Variants in DNA2 observed in about 807,000 individuals in gnomAD.
DNA2 encodes DNA replication ATP-dependent helicase/nuclease DNA2.
DNA2 carries 101 observed loss-of-function variants against 119.1 expected under a neutral mutation model. The observed-to-expected ratio is 0.85, with a 90% CI of 0.72 to 1.00. DNA2 has a LOEUF of 1.00. DNA2 is among the 50% of genes least tolerant of loss of function. The pLI, the probability that DNA2 is intolerant of heterozygous loss-of-function variation, is 0.00. For synonymous variants in DNA2, 366 were observed against 424.4 expected, an observed-to-expected ratio of 0.86 and a Z score of 1.69; for missense variants, 1,121 against 1,255.5, an observed-to-expected ratio of 0.89 and a Z score of 1.62.
At chr10:68,417,222 A>G (rs2051600620) in intron 19 of DNA2, among the ~76,000 whole-genome samples, 2 of 149,744 alleles carry the variant, frequency 1.3e-5, no homozygotes, top group Non-Finnish European at 3.0e-5. Flanking sequence ...ATGCCTCCAC[A>G]CTCTGACCTA....
At chr10:68,465,275 C>T (rs571692994) in intron 4 of DNA2, among the ~76,000 whole-genome samples, 1 of 152,152 alleles carries the variant, frequency 6.6e-6, no homozygotes, top group East Asian at 1.9e-4. Flanking sequence ...CCTCGGCCTC[C>T]CAAAGTGCTG....
chr10:68,428,537 C>G (rs1250496015), intron 14 of DNA2, among the ~76,000 whole-genome samples: 1 of 152,128 alleles, frequency 6.6e-6, no homozygotes, highest in African/African-American at 2.4e-5. Flanking sequence ...TTTACAGCAG[C>G]TTTATTCACA....
chr10:68,422,477 A>G (rs761979661), intron 16 of DNA2, 38 bp downstream of exon 16: 1 of 1,612,962 alleles, frequency 6.2e-7, no homozygotes, highest in South Asian at 1.1e-5. Flanking sequence ...ATGGAAACAA[A>G]CATGAAAACC....
At chr10:68,464,220 T>A (rs1011354882) in intron 4 of DNA2, among the ~76,000 whole-genome samples, 3 of 152,132 alleles carry the variant, frequency 2.0e-5, no homozygotes. Flanking sequence ...GTAATATGTA[T>A]CAAAATTTTA....
rs1460378594 is a variant in DNA2 at position 68,437,010 on chromosome 10, C to T, written c.1646+1G>A. 6.3e-7 allele frequency: 1 copy of T among 1,599,930 alleles called. No homozygotes were observed. Among genetic ancestry groups the T allele is most frequent in the Non-Finnish European group, 8.5e-7 (1 of 1,170,864 alleles). ...TATCAAAAAAAGTAACATTTCATTA[C>T]CTGTCTAATAAACAAGTTACTGTTG... is the stretch of plus-strand genomic sequence containing the variant. On this transcript the variant is annotated splice_donor_variant, in intron 10 of 20. Transcript: ENST00000358410. LOFTEE classifies it high-confidence loss of function.
chr10:68,420,519 A>G (rs2051650694), intron 17 of DNA2, among the ~76,000 whole-genome samples: 1 of 152,220 alleles, frequency 6.6e-6, no homozygotes. Context: ...CCTGGGAGTC[A>G]GAGTGAGACT....
chr10:68,432,343 A>T (rs749738885), intron 11 of DNA2, 28 bp from the exon 12 acceptor site: 1 of 1,568,824 alleles, frequency 6.4e-7, no homozygotes, highest in Non-Finnish European at 8.7e-7. Flanking sequence ...ACTTTTAGTA[A>T]TATTCCTTAG....
intron 19 of DNA2, among the ~76,000 whole-genome samples, chr10:68,418,459 A>G (rs1431773361): frequency 6.6e-6 from 1 of 151,108 alleles, no homozygotes; most frequent in Non-Finnish European, 1.5e-5. Context: ...GTTCTTTTAA[A>G]CCACAATTTT....
intron 10 of DNA2, among the ~76,000 whole-genome samples, chr10:68,434,688 C>G (rs990407864): frequency 1.3e-5 from 2 of 152,070 alleles, no homozygotes; most frequent in African/African-American, 4.8e-5. Flanking sequence ...CACGCAAGAC[C>G]ATAAATTCCT....
rs2052017893 is a variant in DNA2, at chr10:68,444,906, G to T, written c.1220+15C>A. 1 of 1,604,468 alleles carries T rather than the reference G, an allele frequency of 6.2e-7. No individual in the cohort carries two copies. Among genetic ancestry groups the T allele is most frequent in the African/African-American group, 1.3e-5 (1 of 74,734 alleles). On this transcript the variant is annotated intron_variant, in intron 8 of 20. Transcript: ENST00000358410. ...TACTCAACTAGAAATAATGCCTTTG[G>T]TAGACAATATTTACCTGCTATAAAG...
chr10:68,420,138 T>C (rs188545265), intron 17 of DNA2, among the ~76,000 whole-genome samples: 165 of 152,342 alleles, frequency 1.1e-3, no homozygotes, highest in Non-Finnish European at 1.9e-3. Flanking sequence ...GATCACACAC[T>C]GAGCTTCAAA....
chr10:68,467,891 C>T (rs1056016145), intron 3 of DNA2, among the ~76,000 whole-genome samples: 4 of 152,062 alleles, frequency 2.6e-5, no homozygotes, highest in Admixed American at 6.6e-5. Context: ...GAACAAGATT[C>T]GAAGGACTCA....
At position 68,430,476 on chromosome 10, in the gene DNA2, A is replaced by G; in HGVS notation, c.2168T>C (p.Ile723Thr). 1 of 1,610,734 alleles carries G rather than the reference A, an allele frequency of 6.2e-7. No individual in the cohort carries two copies. The highest frequency in any genetic ancestry group is 8.5e-7 in the Non-Finnish European group (1 of 1,178,352). ...TEQEICRSKSIKSLALLEELY... is the reference protein window; with the variant it reads ...TEQEICRSKSTKSLALLEELY... ...TTCTTCTAGAAGAGCTAAGGATTTA[A>G]TGGACTTTGATCTGCAAATTTCTTG... Residue 723 changes from isoleucine (I) to threonine (T), a missense_variant, in exon 14 of 21, where the codon ATT (isoleucine) becomes ACT (threonine). Transcript: ENST00000358410.
chr10:68,471,828 TCTC>T lies in DNA2; in HGVS notation c.34_36del (p.Glu12del). 1 of 1,611,614 alleles carries T rather than the reference TCTC, an allele frequency of 6.2e-7. No individual in the cohort carries two copies. On this transcript the variant is annotated inframe_deletion, in exon 1 of 21. Transcript: ENST00000358410. ...AGCTCCGCCTCCTCCCAAAAACTCTTCTCCATCAGCAGCTCCAGTTCGTTCAGC... is the reference window on the plus strand; with the variant it reads ...AGCTCCGCCTCCTCCCAAAAACTCTTCATCAGCAGCTCCAGTTCGTTCAGC...
chr10:68,472,114 A>G, upstream of DNA2: 1 of 1,497,498 alleles, frequency 6.7e-7, no homozygotes, highest in Non-Finnish European at 8.9e-7. Flanking sequence ...GAATACAGGG[A>G]GTCTTCATAT....
At chr10:68,470,232 C>T (rs929081855) in intron 1 of DNA2, 69 bp from the exon 2 acceptor site, 9 of 1,331,936 alleles carry the variant, frequency 6.8e-6, no homozygotes, top group Non-Finnish European at 9.0e-6. Context: ...TATGTTTTAT[C>T]TACAAACCAA....
rs182312393 is a variant in DNA2 at position 68,470,044 on chromosome 10, C to G, written c.194G>C (p.Arg65Pro). The G allele has an allele frequency of 6.2e-7, 1 of 1,613,574 alleles. No homozygotes were observed. Among genetic ancestry groups the G allele is most frequent in the African/African-American group, 1.3e-5 (1 of 74,878 alleles). Residue 65 changes from arginine (R) to proline (P), a missense_variant, in exon 2 of 21, where the codon CGC (arginine) becomes CCC (proline). Physicochemically the swap from Arg to Pro is moderately radical, Grantham distance 103 (BLOSUM62 -2). Transcript: ENST00000358410. ...VQNKEGNCEK[R>P]LVITASQSLE... is the part of the protein sequence containing the mutation. ...TGACTGTGAAGCAGTGATGACCAGGCGCTTTTCACAGTTTCCCTCTTTGTT... is the reference window on the plus strand; with the variant it reads ...TGACTGTGAAGCAGTGATGACCAGGGGCTTTTCACAGTTTCCCTCTTTGTT...
intron 14 of DNA2, among the ~76,000 whole-genome samples, chr10:68,425,809 C>A (rs76199789): frequency 0.072 from 10,404 of 144,496 alleles, 535 homozygotes; most frequent in African/African-American, 0.15. Flanking sequence ...TTTCATAATT[C>A]AAAAAAAAAA....
chr10:68,417,697 A>C (rs748228086), intron 19 of DNA2, among the ~76,000 whole-genome samples: 2 of 152,034 alleles, frequency 1.3e-5, no homozygotes, highest in Non-Finnish European at 2.9e-5. Context: ...TATAAATTTG[A>C]AAGTATACAA....
Sources: allele counts gnomAD v4.1 joint callset (sites outside exome capture counted in the v4.1 genomes callset), GRCh38; gene constraint gnomAD v4.1.1; transcripts MANE v1.5; gene names NCBI Gene and HGNC (gene_info 2026-07-23, HGNC 2026-07-21).